The following CCDC7 variants were observed in gnomAD, a reference collection of about 807,000 sequenced individuals.
The protein encoded by CCDC7 is coiled-coil domain containing 7.
In CCDC7, 183 loss-of-function variants were observed where a neutral mutation model predicts 196.9. That is an observed-to-expected ratio of 0.93 (90% CI 0.82 to 1.05). The LOEUF (loss-of-function observed/expected upper bound fraction) is 1.05, where lower values mean the gene tolerates loss of function less well. Among genes scored for constraint, CCDC7 ranks in the 50% least tolerant of loss-of-function variants. CCDC7 has a pLI of 0.00. For synonymous variants in CCDC7, 525 were observed against 484.6 expected (o/e 1.08, Z -1.10); for missense variants, 1,540 against 1,482.2 (o/e 1.04, Z -0.64).
intron 28 of CCDC7, among the ~76,000 whole-genome samples, chr10:32,770,452 G>C (rs547637560): frequency 1.4e-4 from 22 of 152,152 alleles, no homozygotes; most frequent in African/African-American, 5.1e-4. Context: ...TTGATTTCTA[G>C]TTTTATTCTT....
chr10:32,500,774 C>T (rs941047415), intron 9 of CCDC7, among the ~76,000 whole-genome samples: 1 of 152,206 alleles, frequency 6.6e-6, no homozygotes, highest in Non-Finnish European at 1.5e-5. Context: ...CCTGAGTGAG[C>T]GAGACTCCGT....
At chr10:32,716,395 G>A (rs190080228) in intron 25 of CCDC7, among the ~76,000 whole-genome samples, 150 of 152,322 alleles carry the variant, frequency 9.8e-4, no homozygotes, top group Non-Finnish European at 1.4e-3. Context: ...GCTCCTGAAG[G>A]AAGCACTAAA....
intron 22 of CCDC7, among the ~76,000 whole-genome samples, chr10:32,688,161 T>A: frequency 6.6e-6 from 1 of 152,180 alleles, no homozygotes; most frequent in Non-Finnish European, 1.5e-5. Flanking sequence ...CTATACACGG[T>A]GCCACTGTCG....
chr10:32,573,677 A>T (rs1464176431), intron 16 of CCDC7, among the ~76,000 whole-genome samples: 1 of 152,234 alleles, frequency 6.6e-6, no homozygotes, highest in Non-Finnish European at 1.5e-5. Context: ...GTACATCAAG[A>T]TTAAAAAAAT....
At chr10:32,735,009 C>T (rs2084627035) in intron 28 of CCDC7, among the ~76,000 whole-genome samples, 1 of 152,050 alleles carries the variant, frequency 6.6e-6, no homozygotes, top group South Asian at 2.1e-4. Flanking sequence ...GCTACATATG[C>T]TTTCTTGTGA....
chr10:32,694,900 A>G (rs2077516387), exon 24 of CCDC7: 2 of 1,598,792 alleles, frequency 1.3e-6, no homozygotes, highest in African/African-American at 1.3e-5. Flanking sequence ...GAACCAGGCA[A>G]AAATCTTGTG....
intron 8 of CCDC7, among the ~76,000 whole-genome samples, chr10:32,482,474 TTTA>T (rs2040160433): frequency 6.7e-6 from 1 of 150,166 alleles, no homozygotes; most frequent in Non-Finnish European, 1.5e-5. Flanking sequence ...TAATTTTAAT[TTTA>T]TTATATTCTT....
At chr10:32,516,114 A>G (rs1350566890) in intron 9 of CCDC7, among the ~76,000 whole-genome samples, 1 of 152,210 alleles carries the variant, frequency 6.6e-6, no homozygotes, top group African/African-American at 2.4e-5. Context: ...CACAAATCAT[A>G]TATCTGCTAA....
chr10:32,682,104 A>C (rs189982618), intron 21 of CCDC7, among the ~76,000 whole-genome samples: 35 of 152,252 alleles, frequency 2.3e-4, no homozygotes, highest in African/African-American at 8.2e-4. Flanking sequence ...TTCGATGTAC[A>C]AATGATTTTG....
intron 21 of CCDC7, among the ~76,000 whole-genome samples, chr10:32,674,154 C>G (rs74680394): frequency 0.15 from 21,549 of 148,086 alleles, 1,870 homozygotes; most frequent in African/African-American, 0.25. Context: ...GCTTTAGTTT[C>G]TTATTTTTCT....
At chr10:32,664,799 A>G (rs1043279694) in intron 21 of CCDC7, among the ~76,000 whole-genome samples, 2 of 152,020 alleles carry the variant, frequency 1.3e-5, no homozygotes, top group African/African-American at 4.8e-5. Context: ...TCTCTTTTAT[A>G]TACTGATTTC....
intron 21 of CCDC7, among the ~76,000 whole-genome samples, chr10:32,682,877 A>G (rs1295407486): frequency 6.6e-6 from 1 of 152,046 alleles, no homozygotes; most frequent in Non-Finnish European, 1.5e-5. Flanking sequence ...TAAATTCCTT[A>G]TAGATTCTGG....
chr10:32,582,266 T>C (rs1202513638), intron 16 of CCDC7, among the ~76,000 whole-genome samples: 3 of 151,648 alleles, frequency 2.0e-5, no homozygotes, highest in Non-Finnish European at 4.4e-5. Flanking sequence ...GAAAAATTTT[T>C]CTTCTGTGAG....
At chr10:32,557,509 G>C (rs905698417) in intron 13 of CCDC7, among the ~76,000 whole-genome samples, 1 of 151,776 alleles carries the variant, frequency 6.6e-6, no homozygotes, top group Non-Finnish European at 1.5e-5. Context: ...TCCCACAGTT[G>C]CCTCAGTATC....
intron 25 of CCDC7, among the ~76,000 whole-genome samples, chr10:32,714,762 T>A (rs1365488213): frequency 2.6e-5 from 4 of 152,138 alleles, no homozygotes; most frequent in Non-Finnish European, 5.9e-5. Flanking sequence ...CCCCTCACAG[T>A]GTAAACAAAG....
chr10:32,545,653 A>G (rs1288969678), intron 13 of CCDC7, among the ~76,000 whole-genome samples: 5 of 152,132 alleles, frequency 3.3e-5, no homozygotes, highest in African/African-American at 7.2e-5. Context: ...CGCCTGTAAT[A>G]CCAGCACTTC....
chr10:32,811,371 T>C (rs2087065014), intron 30 of CCDC7, among the ~76,000 whole-genome samples: 1 of 152,064 alleles, frequency 6.6e-6, no homozygotes, highest in Admixed American at 6.6e-5. Context: ...TATGAACAAC[T>C]ATACGCTGAT....
At chr10:32,485,166 C>T (rs1053950528) in intron 8 of CCDC7, among the ~76,000 whole-genome samples, 1 of 152,204 alleles carries the variant, frequency 6.6e-6, no homozygotes, top group South Asian at 2.1e-4. Flanking sequence ...ATTATTGCCT[C>T]AATTTCAGAG....
At chr10:32,528,679 TGC>T (rs1206544114) in intron 11 of CCDC7, among the ~76,000 whole-genome samples, 1 of 132,148 alleles carries the variant, frequency 7.6e-6, no homozygotes, top group Non-Finnish European at 1.7e-5. Context: ...CATATATATA[TGC>T]ATATATATAC....
Sources: gnomAD v4.1 joint callset for allele counts (sites outside exome capture counted in the v4.1 genomes callset) on GRCh38, gnomAD v4.1.1 for gene constraint, MANE v1.5 for transcripts, NCBI Gene and HGNC (gene_info 2026-07-23, HGNC 2026-07-21) for gene names.